ENKUR: variants seen among roughly 807,000 people sequenced by gnomAD.
ENKUR encodes the protein enkurin, TRPC channel interacting protein.
A neutral mutation model predicts 27.6 loss-of-function variants in ENKUR; 19 were observed. The observed-to-expected ratio is 0.69, with a 90% confidence interval of 0.48 to 1.01. The LOEUF (loss-of-function observed/expected upper bound fraction) is 1.01, where lower values mean the gene tolerates loss of function less well. ENKUR is among the 50% of genes least tolerant of loss of function. The probability of loss-of-function intolerance (pLI) is 0.00; values close to 1 mark genes in which losing one functional copy is unlikely to be tolerated. For synonymous variants in ENKUR, 117 were observed against 96.9 expected, an observed-to-expected ratio of 1.21 and a Z score of -1.22; for missense variants, 312 against 310.5, an observed-to-expected ratio of 1.00 and a Z score of -0.04.
intron 2 of ENKUR, chr10:25,061,013 C>T: frequency 1.7e-6 from 2 of 1,179,100 alleles, no homozygotes; most frequent in Non-Finnish European, 2.4e-6. Flanking sequence ...TGGGCCTGGC[C>T]CTTATGTTTC....
chr10:24,990,568 C>A lies in ENKUR; in HGVS notation c.489G>T (p.Glu163Asp), dbSNP rs201936223. The A allele has an allele frequency of 1.4e-5, 22 of 1,613,122 alleles. No homozygotes were observed. Among genetic ancestry groups the A allele is most frequent in the Non-Finnish European group, 1.8e-5 (21 of 1,179,854 alleles). Residue 163 changes from glutamate (E) to aspartate (D), a missense_variant, in exon 4 of 6, where the codon GAG (glutamate) becomes GAT (aspartate). Coordinates refer to ENST00000331161, the MANE Select transcript of ENKUR (RefSeq NM_145010.4). Reference protein sequence around the residue: ...VTPEYICKRNEEIKKAQEDYD... With the variant: ...VTPEYICKRNDEIKKAQEDYD... ...AGTCTTCTTGGGCTTTCTTTATTTC[C>A]TCGTTTCGCTTACATATGTATTCAG...
At chr10:25,049,892 A>G (rs1851166298) in intron 2 of ENKUR, among the ~76,000 whole-genome samples, 1 of 152,062 alleles carries the variant, frequency 6.6e-6, no homozygotes, top group Non-Finnish European at 1.5e-5. Context: ...GTTATATAGG[A>G]ATACCTGAGG....
At chr10:25,011,920 C>A (rs1349778367) in intron 1 of ENKUR, among the ~76,000 whole-genome samples, 1 of 152,228 alleles carries the variant, frequency 6.6e-6, no homozygotes, top group Non-Finnish European at 1.5e-5. Context: ...TGTCAGAGGT[C>A]TCCACAGCAG....
chr10:25,052,919 G>A (rs958079492), intron 2 of ENKUR, among the ~76,000 whole-genome samples: 9 of 151,932 alleles, frequency 5.9e-5, no homozygotes, highest in East Asian at 5.8e-4. Flanking sequence ...ACAGGCATGC[G>A]CCACCATGCC....
rs533907933 is a variant in ENKUR at position 24,996,512 on chromosome 10, T to C, written c.224-643A>G. Among the ~76,000 whole-genome samples the C allele has an allele frequency of 4.6e-5, 7 of 152,292 alleles. No homozygotes were observed. The East Asian group carries it at 7.7e-4, about 17-fold the overall frequency. On this transcript the variant is annotated intron_variant, in intron 2 of 5. Transcript: ENST00000331161. ...ACAAGGAAGAAGTATTTCTTGCTTATTGGCCGTTTTTACACAGCCTCTTCA... is the reference window on the plus strand; with the variant it reads ...ACAAGGAAGAAGTATTTCTTGCTTACTGGCCGTTTTTACACAGCCTCTTCA...
chr10:25,023,432 C>A, intron 2 of ENKUR: 1 of 1,614,060 alleles, frequency 6.2e-7, no homozygotes, highest in South Asian at 1.1e-5. Flanking sequence ...GGGAAAACAA[C>A]AGTAGGCAGA....
exon 2 of ENKUR, chr10:25,061,150 C>A: frequency 3.9e-6 from 6 of 1,536,082 alleles, no homozygotes; most frequent in Non-Finnish European, 4.4e-6. Flanking sequence ...TGTCTTCATG[C>A]TCCGTGGTGA....
intron 2 of ENKUR, among the ~76,000 whole-genome samples, chr10:25,028,494 C>T (rs895637764): frequency 6.6e-6 from 1 of 152,182 alleles, no homozygotes; most frequent in African/African-American, 2.4e-5. Context: ...TGTGTGTCAT[C>T]AGGTACCTTC....
intron 2 of ENKUR, among the ~76,000 whole-genome samples, chr10:25,054,547 C>CCTTT (rs371652077): frequency 0.016 from 2,036 of 127,732 alleles, 37 homozygotes; most frequent in South Asian, 0.028. Flanking sequence ...TTCTTTCTTT[C>CCTTT]CTTTCTTTCT....
intron 3 of ENKUR, among the ~76,000 whole-genome samples, chr10:24,991,498 G>T (rs1383471941): frequency 2.0e-5 from 3 of 151,794 alleles, no homozygotes; most frequent in Admixed American, 6.6e-5. Context: ...GTTGACAGGG[G>T]CGTGCCAACA....
Position 25,025,371 on chromosome 10 carries a change from G to C in ENKUR, c.38-29502C>G. On this transcript the variant is annotated intron_variant, in intron 2 of 5. Coordinates refer to the ENKUR transcript ENST00000615958. ...TATTAGAGAGAACAAAACAGCAAGA[G>C]AAGATGGAGTACCAGGTCTGTGCAG... 3 of 1,614,244 alleles carry C rather than the reference G, an allele frequency of 1.9e-6. No individual in the cohort carries two copies. In the South Asian group the frequency reaches 3.3e-5, roughly 18 times the overall value.
chr10:25,020,238 A>ATATATATC (rs1554772123), upstream of ENKUR, among the ~76,000 whole-genome samples: 3 of 126,564 alleles, frequency 2.4e-5, no homozygotes, highest in African/African-American at 7.9e-5. Context: ...TTTCTTTAAA[A>ATATATATC]TATATCTATA....
At chr10:24,989,943 A>T (rs1237015290) in intron 4 of ENKUR, among the ~76,000 whole-genome samples, 1 of 152,132 alleles carries the variant, frequency 6.6e-6, no homozygotes, top group African/African-American at 2.4e-5. Flanking sequence ...TCCAATATAA[A>T]TATATCTTTA....
exon 2 of ENKUR, chr10:25,061,134 C>T: frequency 6.5e-7 from 1 of 1,536,050 alleles, no homozygotes; most frequent in Non-Finnish European, 8.7e-7. Context: ...CTCCAGTCAC[C>T]CGCTCTGTCT....
intron 2 of ENKUR, among the ~76,000 whole-genome samples, chr10:25,057,380 T>TACACACACACACAC (rs139515865): frequency 1.7e-5 from 2 of 117,810 alleles, no homozygotes; most frequent in African/African-American, 6.8e-5. Context: ...TGCACTTTGG[T>TACACACACACACAC]ACACACACAC....
chr10:25,025,511 A>G, intron 2 of ENKUR: 5 of 1,495,952 alleles, frequency 3.3e-6, no homozygotes, highest in Non-Finnish European at 4.5e-6. Context: ...ATAAATCTCA[A>G]ACACTGATTT....
intron 1 of ENKUR, among the ~76,000 whole-genome samples, chr10:25,009,658 T>C (rs924414609): frequency 3.3e-5 from 5 of 152,158 alleles, no homozygotes; most frequent in Non-Finnish European, 5.9e-5. Context: ...TCATCTTGAA[T>C]TGTAGCTCCC....
chr10:25,059,772 T>C (rs1330672758), intron 2 of ENKUR, among the ~76,000 whole-genome samples: 2 of 151,924 alleles, frequency 1.3e-5, no homozygotes, highest in East Asian at 3.9e-4. Context: ...TGCAATGAGC[T>C]ATGATAGTGC....
intron 1 of ENKUR, chr10:25,062,168 C>G (rs1046706508): frequency 4.6e-5 from 7 of 152,184 alleles, no homozygotes; most frequent in African/African-American, 1.4e-4. Context: ...TGGAGCGACT[C>G]CTTCCTTGCT....
Sources: allele counts gnomAD v4.1 joint callset (sites outside exome capture counted in the v4.1 genomes callset), GRCh38; gene constraint gnomAD v4.1.1; transcripts MANE v1.5; gene names NCBI Gene and HGNC (gene_info 2026-07-23, HGNC 2026-07-21).